SIPA1L2: variants seen among roughly 807,000 people sequenced by gnomAD.
The protein encoded by SIPA1L2 is signal-induced proliferation-associated 1-like protein 2.
Under a neutral mutation model 163.9 loss-of-function variants are expected in SIPA1L2, and 56 were observed. The observed-to-expected ratio is 0.34, with a 90% CI of 0.28 to 0.43. The LOEUF is 0.43. Ranked by LOEUF, SIPA1L2 falls within the 20% of genes least tolerant of loss-of-function variation. The probability of loss-of-function intolerance (pLI) is 1.00; values close to 1 mark genes in which losing one functional copy is unlikely to be tolerated. For synonymous variants in SIPA1L2, 877 were observed against 865.7 expected, an observed-to-expected ratio of 1.01 and a Z score of -0.23; for missense variants, 1,974 against 2,193.5, an observed-to-expected ratio of 0.90 and a Z score of 2.00.
intron 11 of SIPA1L2, among the ~76,000 whole-genome samples, chr1:232,444,102 A>C (rs2102869474): frequency 6.6e-6 from 1 of 152,292 alleles, no homozygotes; most frequent in African/African-American, 2.4e-5. Flanking sequence ...AAAAAGAAAA[A>C]CCTAAATTTG....
chr1:232,625,953 T>C (rs1663052009), intron 1 of SIPA1L2, among the ~76,000 whole-genome samples: 1 of 152,214 alleles, frequency 6.6e-6, no homozygotes, highest in Non-Finnish European at 1.5e-5. Flanking sequence ...GAATTTTTCA[T>C]TGACCCATGC....
intron 2 of SIPA1L2, among the ~76,000 whole-genome samples, chr1:232,516,886 A>G (rs2103050804): frequency 6.6e-6 from 1 of 152,324 alleles, no homozygotes; most frequent in South Asian, 2.1e-4. Flanking sequence ...TGATTCTTTC[A>G]TTCTTCTGCC....
At chr1:232,437,030 A>G (rs2102849089) in intron 15 of SIPA1L2, among the ~76,000 whole-genome samples, 1 of 152,350 alleles carries the variant, frequency 6.6e-6, no homozygotes, top group East Asian at 1.9e-4. Flanking sequence ...TCAGAAATCC[A>G]ATCTAGCACT....
intron 2 of SIPA1L2, among the ~76,000 whole-genome samples, chr1:232,540,396 T>C (rs1657581785): frequency 6.6e-6 from 1 of 152,152 alleles, no homozygotes. Flanking sequence ...ACTGGAGTAT[T>C]CATTTCACTG....
At chr1:232,525,730 T>C (rs946768762) in intron 2 of SIPA1L2, among the ~76,000 whole-genome samples, 5 of 152,158 alleles carry the variant, frequency 3.3e-5, no homozygotes, top group African/African-American at 9.7e-5. Flanking sequence ...TTCAGTTTCA[T>C]CTGCACAATG....
chr1:232,487,919 T>TAC (rs5781699), intron 5 of SIPA1L2, among the ~76,000 whole-genome samples: 16,874 of 144,180 alleles, frequency 0.12, 1,160 homozygotes, highest in African/African-American at 0.2. Context: ...GTAATTAGGT[T>TAC]ACACACACAC....
At chr1:232,618,377 T>C (rs189159114) in intron 1 of SIPA1L2, among the ~76,000 whole-genome samples, 34 of 152,186 alleles carry the variant, frequency 2.2e-4, no homozygotes, top group African/African-American at 6.3e-4. Flanking sequence ...CTCTTGTGGC[T>C]GGGCGCGGTG....
At chr1:232,433,749 T>C (rs1328714206) in intron 15 of SIPA1L2, among the ~76,000 whole-genome samples, 2 of 152,174 alleles carry the variant, frequency 1.3e-5, no homozygotes, top group Non-Finnish European at 2.9e-5. Context: ...TATGAAAAAT[T>C]TTAAGAGTTT....
chr1:232,555,924 T>C (rs1465820004), intron 2 of SIPA1L2, among the ~76,000 whole-genome samples: 1 of 152,208 alleles, frequency 6.6e-6, no homozygotes, highest in Admixed American at 6.5e-5. Context: ...AACCTCCACA[T>C]TGCAACAATG....
In SIPA1L2 at chr1:232,515,389, C is replaced by G. The variant is rs1667177559; in HGVS notation, c.-50G>C. On this transcript the variant is annotated 5_prime_UTR_variant, in exon 3 of 23. Coordinates refer to ENST00000674635, the MANE Select transcript of SIPA1L2 (RefSeq NM_020808.5). ...TCTCACCAGGAAGACTGATGTAAAT[C>G]TAATTACATTGCTACCGACCACGCC... is the stretch of plus-strand genomic sequence containing the variant. The G allele has an allele frequency of 6.7e-7, 1 of 1,503,282 alleles. No homozygotes were observed. Among genetic ancestry groups the G allele is most frequent in the Non-Finnish European group, 8.9e-7 (1 of 1,123,310 alleles). 93.1% of individuals were successfully genotyped at this position (1,503,282 alleles called of 1,614,324 possible). A position where few individuals can be genotyped will look rare whatever the true frequency, so the allele number is the denominator to read the frequency against.
In SIPA1L2 at chr1:232,469,783, A is replaced by T. The variant is rs184585988; in HGVS notation, c.2243+1588T>A. On this transcript the variant is annotated intron_variant, in intron 8 of 22. Coordinates refer to ENST00000674635, the MANE Select transcript of SIPA1L2 (RefSeq NM_020808.5). ...TTAAATACATTCAAAACATTTAATT[A>T]GATTCAAAAACATTTATTTCTTTTA... Among the ~76,000 whole-genome samples the T allele has an allele frequency of 4.9e-3, 746 of 152,110 alleles. 7 individuals carry two copies. Among genetic ancestry groups the T allele is most frequent in the African/African-American group, 0.017 (725 of 41,526 alleles).
intron 6 of SIPA1L2, among the ~76,000 whole-genome samples, chr1:232,480,996 ATT>A (rs1353621112): frequency 6.6e-6 from 1 of 152,222 alleles, no homozygotes; most frequent in Non-Finnish European, 1.5e-5. Context: ...TCCAAAAGAC[ATT>A]CATAAAAGGC....
At chr1:232,438,485 A>G (rs991979548) in intron 15 of SIPA1L2, among the ~76,000 whole-genome samples, 7 of 152,266 alleles carry the variant, frequency 4.6e-5, no homozygotes, top group African/African-American at 1.7e-4. Flanking sequence ...CACTGCAGAG[A>G]AGTATGTCAA....
chr1:232,549,003 C>T (rs963140656), intron 2 of SIPA1L2, among the ~76,000 whole-genome samples: 6 of 152,196 alleles, frequency 3.9e-5, no homozygotes, highest in African/African-American at 1.2e-4. Context: ...TTGAATAACA[C>T]TGAAAAAGGG....
Position 232,546,878 on chromosome 1 carries a change from C to T in SIPA1L2, c.-270+27296G>A, listed in dbSNP as rs542622720. Among the ~76,000 whole-genome samples, 15 of 152,246 alleles carry T rather than the reference C, an allele frequency of 9.9e-5. 1 individual carries two copies. The South Asian group carries it at 2.5e-3, about 25-fold the overall frequency. On this transcript the variant is annotated intron_variant, in intron 2 of 22. Transcript: ENST00000674635. ...GATCAGGACGGTTTCTCAGAAGAAA[C>T]GAATACTCAGATCCTCAAATGAGGA...
intron 5 of SIPA1L2, among the ~76,000 whole-genome samples, chr1:232,486,545 C>T (rs1665657488): frequency 6.6e-6 from 1 of 152,182 alleles, no homozygotes; most frequent in African/African-American, 2.4e-5. Flanking sequence ...AAAGAAAACA[C>T]CTTGCTACAC....
chr1:232,539,216 C>A (rs764709955), intron 2 of SIPA1L2, among the ~76,000 whole-genome samples: 1 of 152,224 alleles, frequency 6.6e-6, no homozygotes, highest in Non-Finnish European at 1.5e-5. Context: ...CCAGTTGAAA[C>A]CCTTGGGGTA....
chr1:232,444,504 AC>A (rs1395105873), intron 11 of SIPA1L2, among the ~76,000 whole-genome samples: 1 of 152,152 alleles, frequency 6.6e-6, no homozygotes, highest in Admixed American at 6.5e-5. Flanking sequence ...TTAAATTAAC[AC>A]CTCTCCTGCA....
At chr1:232,484,339 G>A (rs770773500) in intron 5 of SIPA1L2, among the ~76,000 whole-genome samples, 13 of 151,698 alleles carry the variant, frequency 8.6e-5, no homozygotes, top group Admixed American at 1.3e-4. Context: ...CTTCTAAGTC[G>A]GAAAGAAAAA....
Sources: gnomAD v4.1 joint callset for allele counts (sites outside exome capture counted in the v4.1 genomes callset) on GRCh38, gnomAD v4.1.1 for gene constraint, MANE v1.5 for transcripts, NCBI Gene and HGNC (gene_info 2026-07-23, HGNC 2026-07-21) for gene names.